The following MSANTD3 variants were observed in gnomAD, a reference collection of about 807,000 sequenced individuals.
MSANTD3 encodes Myb/SANT DNA binding domain containing 3, also known as myb/SANT-like DNA-binding domain-containing protein 3.
Under a neutral mutation model 27.7 loss-of-function variants are expected in MSANTD3, and 11 were observed. The observed-to-expected ratio is 0.40, with a 90% CI of 0.25 to 0.66. The LOEUF (loss-of-function observed/expected upper bound fraction) is 0.66. Among genes scored for constraint, MSANTD3 ranks in the 30% least tolerant of loss-of-function variants. MSANTD3 has a pLI of 0.41. For missense variants in MSANTD3, 250 were observed against 336.5 expected, an observed-to-expected ratio of 0.74 and a Z score of 2.01; for synonymous variants, 131 against 127.2, an observed-to-expected ratio of 1.03 and a Z score of -0.20.
At chr9:100,434,632 ATCT>A (rs1043930971) in intron 1 of MSANTD3, among the ~76,000 whole-genome samples, 2 of 152,300 alleles carry the variant, frequency 1.3e-5, no homozygotes, top group Admixed American at 1.3e-4. Flanking sequence ...TTATCTGATG[ATCT>A]TCTTCAACTC....
intron 1 of MSANTD3, among the ~76,000 whole-genome samples, chr9:100,434,875 G>T (rs796903946): frequency 6.6e-6 from 1 of 152,146 alleles, no homozygotes; most frequent in Non-Finnish European, 1.5e-5. Flanking sequence ...CTCTAGAACA[G>T]TGCTGAGCCT....
intron 2 of MSANTD3, among the ~76,000 whole-genome samples, chr9:100,445,732 T>C: frequency 6.6e-6 from 1 of 152,178 alleles, no homozygotes; most frequent in South Asian, 2.1e-4. Flanking sequence ...ACTCTAATAG[T>C]ATTCCACTAG....
chr9:100,434,211 C>T (rs1231300286), intron 1 of MSANTD3, among the ~76,000 whole-genome samples: 1 of 152,160 alleles, frequency 6.6e-6, no homozygotes, highest in African/African-American at 2.4e-5. Flanking sequence ...ACATATACAT[C>T]CTGCTCATTT....
chr9:100,429,418 A>G (rs1836315853), intron 1 of MSANTD3: 1 of 152,224 alleles, frequency 6.6e-6, no homozygotes, highest in African/African-American at 2.4e-5. Context: ...TTCATTCAAC[A>G]AATGTCTGCT....
At chr9:100,448,092 G>C (rs74861242) in intron 2 of MSANTD3, 1 of 442,394 alleles carries the variant, frequency 2.3e-6, no homozygotes, top group Non-Finnish European at 3.0e-6. Context: ...GTTGGAGGCT[G>C]AAGTGGGAGG....
intron 1 of MSANTD3, among the ~76,000 whole-genome samples, chr9:100,433,656 G>A (rs982495130): frequency 6.6e-6 from 1 of 152,198 alleles, no homozygotes; most frequent in African/African-American, 2.4e-5. Context: ...ATTACAGATG[G>A]TGATCACCAC....
At chr9:100,442,382 A>G (rs1836649039) in intron 2 of MSANTD3, 26 bp downstream of exon 2, 2 of 1,584,530 alleles carry the variant, frequency 1.3e-6, no homozygotes, top group Non-Finnish European at 1.7e-6. Flanking sequence ...GCCAGTGTGC[A>G]CGCTCTCACT....
chr9:100,437,097 G>C (rs1339250540), intron 1 of MSANTD3, among the ~76,000 whole-genome samples: 1 of 152,194 alleles, frequency 6.6e-6, no homozygotes, highest in Non-Finnish European at 1.5e-5. Flanking sequence ...GAACCACCAT[G>C]CCTGGCCCAA....
At chr9:100,441,275 A>G (rs1836614850) in intron 1 of MSANTD3, among the ~76,000 whole-genome samples, 1 of 152,078 alleles carries the variant, frequency 6.6e-6, no homozygotes, top group South Asian at 2.1e-4. Context: ...GTTTAGTTCT[A>G]AAACTGGCTA....
chr9:100,432,038 C>T (rs889414895), intron 1 of MSANTD3, among the ~76,000 whole-genome samples: 7 of 152,064 alleles, frequency 4.6e-5, no homozygotes. Flanking sequence ...TAAGAACTCT[C>T]ATCTGGTTTA....
Position 100,442,112 on chromosome 9 carries a change from T to G in MSANTD3, c.174T>G (p.Ser58=), listed in dbSNP as rs1836639726. Residue 58 remains serine, a synonymous_variant, in exon 2 of 3, where the codon TCT becomes TCG. Coordinates refer to ENST00000395067, the MANE Select transcript of MSANTD3 (RefSeq NM_080655.3). ...TWQALAHEYN[S]QPSVSLRDFK... ...AGGCGCTGGCCCACGAATACAACTC[T>G]CAGCCCAGCGTGTCCCTGCGGGATT... is the stretch of plus-strand genomic sequence containing the variant. 11 of 1,614,052 alleles carry G rather than the reference T, an allele frequency of 6.8e-6. No homozygotes were observed. Among genetic ancestry groups the G allele is most frequent in the Non-Finnish European group, 9.3e-6 (11 of 1,180,042 alleles).
intron 1 of MSANTD3, among the ~76,000 whole-genome samples, chr9:100,427,811 C>G (rs1443922932): frequency 4.6e-5 from 7 of 152,160 alleles, no homozygotes; most frequent in Admixed American, 4.6e-4. Context: ...CAGTGCCCCG[C>G]CCGTCCAGAG....
Position 100,442,054 on chromosome 9 carries a change from C to T in MSANTD3, c.116C>T (p.Ala39Val), listed in dbSNP as rs752288151. 2.5e-6 allele frequency: 4 copies of T among 1,614,210 alleles called. No individual in the cohort carries two copies. Among genetic ancestry groups the T allele is most frequent in the South Asian group, 1.1e-5 (1 of 91,086 alleles). The stretch of plus-strand genomic sequence containing the variant: ...GTGCTGGAATGTAAGAAAAGTGATG[C>T]GCGAACTATTGCCCTTAAGCAGCGT... The part of the protein sequence containing the change: ...KYVLECKKSD[A>V]RTIALKQRTW... The change falls in exon 2 of 3, where the codon GCG (alanine) becomes GTG (valine). Residue 39 changes from alanine (A) to valine (V), a missense_variant. Ala to Val is a moderately conservative substitution (Grantham distance 64). Coordinates refer to ENST00000395067, the MANE Select transcript of MSANTD3 (RefSeq NM_080655.3).
rs1564249779 is a variant in MSANTD3 at position 100,441,911 on chromosome 9, C to G, written c.-28C>G. ...CTTCAAACTTCCTTTTACAGGATAG[C>G]TAGCGGCCAGGAGAAATACAGTGGA... On this transcript the variant is annotated 5_prime_UTR_variant, in exon 2 of 3. Transcript: ENST00000395067. 3.2e-6 allele frequency: 5 copies of G among 1,567,780 alleles called. No individual in the cohort carries two copies. The highest frequency in any genetic ancestry group is 3.5e-6 in the Non-Finnish European group (4 of 1,156,336).
At chr9:100,445,341 T>C (rs1270230632) in intron 2 of MSANTD3, 1 of 722,054 alleles carries the variant, frequency 1.4e-6, no homozygotes, top group Admixed American at 2.5e-5. Flanking sequence ...TGCTGTCTAA[T>C]ACAGTTGTCA....
chr9:100,442,297 A>C lies in MSANTD3; in HGVS notation c.359A>C (p.Tyr120Ser). 1.2e-6 allele frequency: 2 copies of C among 1,614,064 alleles called. No individual in the cohort carries two copies. Among genetic ancestry groups the C allele is most frequent in the Middle Eastern group, 3.3e-4 (2 of 6,062 alleles). ...GCCAGCATGCTGCCGGAGCAGCTCT[A>C]CTTCCTGCAGAGCCCCCCGGAGGAG... ...KIASMLPEQL[Y>S]FLQSPPEEEP... The change falls in exon 2 of 3, where the codon TAC (tyrosine) becomes TCC (serine). Residue 120 changes from tyrosine to serine, a missense_variant. By Grantham distance (144) the Tyr-to-Ser change is moderately radical. This residue lies in a region of MSANTD3 where 235 missense variants were observed against 299.3 expected (regional missense o/e 0.79). Coordinates refer to ENST00000395067, the MANE Select transcript of MSANTD3 (RefSeq NM_080655.3).
intron 2 of MSANTD3, among the ~76,000 whole-genome samples, chr9:100,447,773 A>G (rs962301993): frequency 6.6e-6 from 1 of 152,224 alleles, no homozygotes; most frequent in Non-Finnish European, 1.5e-5. Context: ...GTAATGCTAT[A>G]AAGCACTAGC....
chr9:100,440,851 C>G (rs1054816192), intron 1 of MSANTD3, among the ~76,000 whole-genome samples: 1 of 138,166 alleles, frequency 7.2e-6, no homozygotes, highest in African/African-American at 2.8e-5. Flanking sequence ...TCTCGAACTC[C>G]TGGGCTCAAG....
intron 1 of MSANTD3, among the ~76,000 whole-genome samples, chr9:100,428,816 T>C (rs927135646): frequency 3.3e-5 from 5 of 151,884 alleles, no homozygotes; most frequent in African/African-American, 1.2e-4. Flanking sequence ...AATGGAAGAG[T>C]GCATTTTCAA....
Sources: gnomAD v4.1 joint callset for allele counts (sites outside exome capture counted in the v4.1 genomes callset) on GRCh38, gnomAD v4.1.1 for gene constraint, gnomAD v4.1.1 regional missense constraint, MANE v1.5 for transcripts, NCBI Gene and HGNC (gene_info 2026-07-23, HGNC 2026-07-21) for gene names.